The following KCNJ6 variants were observed in gnomAD, a reference collection of about 807,000 sequenced individuals.
The protein encoded by KCNJ6 is G protein-activated inward rectifier potassium channel 2.
Under a neutral mutation model 34.2 loss-of-function variants are expected in KCNJ6, and 9 were observed. The ratio of observed to expected loss-of-function variants is 0.26; its 90% confidence interval spans 0.16 to 0.46. The LOEUF is 0.46. Ranked by LOEUF, KCNJ6 falls within the 20% of genes least tolerant of loss-of-function variation. KCNJ6 has a pLI of 1.00. For synonymous variants in KCNJ6, 196 were observed against 207.1 expected, an observed-to-expected ratio of 0.95 and a Z score of 0.46; for missense variants, 236 against 531.3, an observed-to-expected ratio of 0.44 and a Z score of 5.46.
At chr21:37,871,234 A>C (rs1039087468) in intron 1 of KCNJ6, among the ~76,000 whole-genome samples, 12 of 152,160 alleles carry the variant, frequency 7.9e-5, no homozygotes, top group African/African-American at 2.7e-4. Flanking sequence ...AGCCATGGCC[A>C]TGAAGATAGC....
Position 37,624,867 on chromosome 21 carries a change from A to G in KCNJ6, c.*292T>C. The stretch of plus-strand genomic sequence containing the variant: ...TGGTATTGTACAACACATGCAGGTA[A>G]GTAACTGAAATCTCCAGGAGTTGGA... On this transcript the variant is annotated 3_prime_UTR_variant, in exon 4 of 4. Transcript: ENST00000609713. 2 of 435,122 alleles carry G rather than the reference A, an allele frequency of 4.6e-6. No individual in the cohort carries two copies. The highest frequency in any genetic ancestry group is 8.2e-6 in the Non-Finnish European group (2 of 242,604). The allele number at this position is 435,122 out of a possible 1,614,324, so 27.0% of individuals were successfully genotyped here.
chr21:37,702,696 C>T (rs2123438708), intron 3 of KCNJ6, among the ~76,000 whole-genome samples: 1 of 152,234 alleles, frequency 6.6e-6, no homozygotes, highest in East Asian at 1.9e-4. Context: ...GCTGAAGTCG[C>T]TGAGAAGGAA....
At chr21:37,879,135 T>C (rs2055693734) in intron 1 of KCNJ6, among the ~76,000 whole-genome samples, 1 of 152,118 alleles carries the variant, frequency 6.6e-6, no homozygotes, top group South Asian at 2.1e-4. Flanking sequence ...AGTACAGTAG[T>C]GAGCTGAGTA....
In KCNJ6 at chr21:37,620,274, TA is replaced by T. The variant is rs1366184400; in HGVS notation, c.*4884del. On this transcript the variant is annotated 3_prime_UTR_variant, in exon 4 of 4. Coordinates refer to ENST00000609713, the MANE Select transcript of KCNJ6 (RefSeq NM_002240.5). ...ACTTTTTTTATACAGGGCCAGATAG[TA>T]AATATTTCAATCTTTGCTGGCCACA... 2.0e-5 allele frequency: 3 copies of T among 152,118 alleles called. No homozygotes were observed. Among genetic ancestry groups the T allele is most frequent in the Non-Finnish European group, 2.9e-5 (2 of 68,028 alleles). The allele number at this position is 152,118 out of a possible 1,614,324, so 9.4% of individuals were successfully genotyped here. A position where few individuals can be genotyped will look rare whatever the true frequency, so the allele number is the denominator to read the frequency against.
intron 2 of KCNJ6, among the ~76,000 whole-genome samples, chr21:37,822,990 C>A (rs2055381167): frequency 6.6e-6 from 1 of 152,086 alleles, no homozygotes; most frequent in Non-Finnish European, 1.5e-5. Context: ...GCTAAGGAAA[C>A]CAGGCAAGAG....
chr21:37,712,083 A>G (rs1457154950), intron 3 of KCNJ6, among the ~76,000 whole-genome samples: 1 of 152,226 alleles, frequency 6.6e-6, no homozygotes, highest in East Asian at 1.9e-4. Flanking sequence ...CATCACAAAG[A>G]TAATTTGCTT....
chr21:37,775,518 A>G (rs2055137969), intron 2 of KCNJ6, among the ~76,000 whole-genome samples: 1 of 152,158 alleles, frequency 6.6e-6, no homozygotes, highest in Admixed American at 6.5e-5. Flanking sequence ...ATCTTGAATT[A>G]ATTTTTGTGT....
chr21:37,698,245 G>A (rs559051716), intron 3 of KCNJ6, among the ~76,000 whole-genome samples: 1 of 152,312 alleles, frequency 6.6e-6, no homozygotes, highest in Admixed American at 6.5e-5. Context: ...AAATACACAT[G>A]CAAATGATCT....
At chr21:37,693,906 CTTCA>C (rs1434101447) in intron 3 of KCNJ6, among the ~76,000 whole-genome samples, 2 of 144,932 alleles carry the variant, frequency 1.4e-5, no homozygotes, top group Non-Finnish European at 3.0e-5. Context: ...TGCCCACTAT[CTTCA>C]TTCAATTATT....
At chr21:37,730,866 C>T (rs1412456278) in intron 2 of KCNJ6, among the ~76,000 whole-genome samples, 1 of 152,180 alleles carries the variant, frequency 6.6e-6, no homozygotes, top group Non-Finnish European at 1.5e-5. Context: ...AGGGAAAAAG[C>T]CAACCCTTAC....
intron 1 of KCNJ6, among the ~76,000 whole-genome samples, chr21:37,868,691 A>AC (rs2055635215): frequency 6.6e-6 from 1 of 152,234 alleles, no homozygotes; most frequent in African/African-American, 2.4e-5. Flanking sequence ...CTGGAAATGT[A>AC]CCAGTTAGGG....
rs542556964 is a variant in KCNJ6, at chr21:37,644,326, C to T, written c.947-18842G>A. On this transcript the variant is annotated intron_variant, in intron 3 of 3. Transcript: ENST00000609713. ...TAAGCTGTATAAAAAATCCCCATGA[C>T]GCAAGTTTACCTATACAACAAACCT... 1.4e-4 allele frequency among the ~76,000 whole-genome samples: 21 copies of T among 152,214 alleles called. 1 individual carries two copies. Among genetic ancestry groups the T allele is most frequent in the African/African-American group, 4.1e-4 (17 of 41,546 alleles).
intron 3 of KCNJ6, among the ~76,000 whole-genome samples, chr21:37,654,324 C>A (rs190135121): frequency 1.3e-5 from 2 of 151,826 alleles, no homozygotes; most frequent in East Asian, 1.9e-4. Flanking sequence ...GTAGACTCAA[C>A]AAATGGAAGC....
At chr21:37,843,370 T>C (rs1411887192) in intron 1 of KCNJ6, among the ~76,000 whole-genome samples, 1 of 152,144 alleles carries the variant, frequency 6.6e-6, no homozygotes, top group Non-Finnish European at 1.5e-5. Context: ...ATCCTAAATA[T>C]AGCTCTCCCA....
chr21:37,674,255 T>G (rs1013221874), intron 3 of KCNJ6, among the ~76,000 whole-genome samples: 10 of 152,208 alleles, frequency 6.6e-5, no homozygotes, highest in African/African-American at 2.4e-4. Context: ...AATCTCTGTT[T>G]GCCTGGGACT....
intron 1 of KCNJ6, among the ~76,000 whole-genome samples, chr21:37,898,625 A>T (rs554135285): frequency 3.9e-4 from 60 of 152,136 alleles, no homozygotes; most frequent in Non-Finnish European, 8.1e-4. Flanking sequence ...AGAAAAAGTC[A>T]GTAATGTGTT....
chr21:37,809,902 C>T (rs1007122132), intron 2 of KCNJ6, among the ~76,000 whole-genome samples: 14 of 152,222 alleles, frequency 9.2e-5, no homozygotes, highest in African/African-American at 3.1e-4. Context: ...TGATAAAGCA[C>T]AAAGTGGCAG....
intron 1 of KCNJ6, among the ~76,000 whole-genome samples, chr21:37,892,585 G>C (rs761089837): frequency 3.3e-5 from 5 of 152,140 alleles, no homozygotes; most frequent in Non-Finnish European, 7.4e-5. Context: ...TCCCTGCTGG[G>C]TCATTTGCAC....
intron 2 of KCNJ6, among the ~76,000 whole-genome samples, chr21:37,801,312 G>A (rs1347480243): frequency 1.3e-5 from 2 of 152,122 alleles, no homozygotes; most frequent in Admixed American, 1.3e-4. Flanking sequence ...AGGAGCCACT[G>A]GGGCTTCTGC....
Sources: gnomAD v4.1 joint callset for allele counts (sites outside exome capture counted in the v4.1 genomes callset) on GRCh38, gnomAD v4.1.1 for gene constraint, MANE v1.5 for transcripts, NCBI Gene and HGNC (gene_info 2026-07-23, HGNC 2026-07-21) for gene names.